The following PRELID2 variants were observed in gnomAD, a reference collection of about 807,000 sequenced individuals.
PRELID2 encodes PRELI domain containing 2, also known as PRELI domain-containing protein 2.
Under a neutral mutation model 28.4 loss-of-function variants are expected in PRELID2, and 25 were observed. The observed-to-expected ratio is 0.88, with a 90% CI of 0.64 to 1.23. The LOEUF (loss-of-function observed/expected upper bound fraction) is 1.23, where lower values mean the gene tolerates loss of function less well. PRELID2 is among the 50% of genes most tolerant of loss of function. The pLI is 0.00. For synonymous variants in PRELID2, 76 were observed against 71.6 expected (o/e 1.06, Z -0.31); for missense variants, 201 against 214.4 (o/e 0.94, Z 0.39).
At chr5:145,551,676 T>C (rs1350724771) in intron 1 of PRELID2, among the ~76,000 whole-genome samples, 2 of 152,202 alleles carry the variant, frequency 1.3e-5, no homozygotes, top group Non-Finnish European at 2.9e-5. Context: ...ACTGTATCAG[T>C]AAGGGTCTTG....
the PRELID2 span, among the ~76,000 whole-genome samples, chr5:145,375,303 A>T: frequency 1.3e-5 from 2 of 152,048 alleles, no homozygotes; most frequent in Non-Finnish European, 2.9e-5. Flanking sequence ...TGCATCTGAA[A>T]ATGTCACTCA....
chr5:145,469,616 C>T (rs1280963482), downstream of PRELID2, among the ~76,000 whole-genome samples: 1 of 152,034 alleles, frequency 6.6e-6, no homozygotes, highest in East Asian at 1.9e-4. Context: ...GGCAGCGACA[C>T]CGAACTGATA....
In PRELID2 at chr5:145,835,323, G is replaced by T; in HGVS notation, c.-72C>A. The T allele has an allele frequency of 1.0e-6, 1 of 973,578 alleles. No individual in the cohort carries two copies. Among genetic ancestry groups the T allele is most frequent in the Non-Finnish European group, 1.5e-6 (1 of 652,056 alleles). The allele number at this position is 973,578 out of a possible 1,614,324, so 60.3% of individuals were successfully genotyped here. A position where few individuals can be genotyped will look rare whatever the true frequency, so the allele number is the denominator to read the frequency against. On this transcript the variant is annotated 5_prime_UTR_variant, in exon 1 of 7. Coordinates refer to ENST00000683046, the MANE Select transcript of PRELID2 (RefSeq NM_205846.3). ...CAGAGCTGCCCAGGGCTCCGCAGAG[G>T]CCCGGAGGCGCCCACACTCGGACAG...
chr5:145,491,494 A>C (rs1227664363), intron 1 of PRELID2, among the ~76,000 whole-genome samples: 1 of 152,212 alleles, frequency 6.6e-6, no homozygotes, highest in African/African-American at 2.4e-5. Flanking sequence ...TTGTGGAATG[A>C]CTAAATCTAG....
At chr5:145,421,456 T>C in the PRELID2 span, among the ~76,000 whole-genome samples, 2 of 150,122 alleles carry the variant, frequency 1.3e-5, no homozygotes, top group Non-Finnish European at 3.0e-5. Context: ...CCTGGTTTAG[T>C]CTTGGGAGAG....
At position 145,823,072 on chromosome 5, in the gene PRELID2, C is replaced by T; in HGVS notation, c.133+5G>A. 6.8e-7 allele frequency: 1 copy of T among 1,481,264 alleles called. No individual in the cohort carries two copies. 91.8% of individuals were successfully genotyped at this position (1,481,264 alleles called of 1,614,324 possible). On this transcript the variant is annotated splice_donor_5th_base_variant and intron_variant, in intron 2 of 6. Transcript: ENST00000683046. ...ATTACTGAAAAAACTGTACAGAGAA[C>T]TTACCTCTTTTTTCCTCCATGATTT...
chr5:145,410,858 A>G, the PRELID2 span, among the ~76,000 whole-genome samples: 2 of 152,164 alleles, frequency 1.3e-5, no homozygotes, highest in Admixed American at 1.3e-4. Flanking sequence ...AACTCATTTC[A>G]GCTTTAACCC....
the PRELID2 span, among the ~76,000 whole-genome samples, chr5:145,384,816 C>A: frequency 6.6e-6 from 1 of 152,122 alleles, no homozygotes; most frequent in African/African-American, 2.4e-5. Flanking sequence ...AAACAGCAGG[C>A]TCTCACGAGA....
chr5:145,646,167 A>G (rs1475770681), intron 1 of PRELID2, among the ~76,000 whole-genome samples: 7 of 152,126 alleles, frequency 4.6e-5, no homozygotes, highest in Non-Finnish European at 1.0e-4. Flanking sequence ...TTTTAGGTAC[A>G]CCATTCAAAC....
intron 5 of PRELID2, among the ~76,000 whole-genome samples, chr5:145,781,939 T>C (rs966562787): frequency 6.6e-6 from 1 of 151,972 alleles, no homozygotes. Context: ...TCATTGTCTT[T>C]GTCTTTGAAT....
chr5:145,698,924 G>A (rs902198135), intron 1 of PRELID2, among the ~76,000 whole-genome samples: 3 of 152,022 alleles, frequency 2.0e-5, no homozygotes, highest in East Asian at 1.9e-4. Context: ...ACGAGGTTTC[G>A]CCATGTTGGC....
chr5:145,399,586 T>G, the PRELID2 span, among the ~76,000 whole-genome samples: 1 of 152,086 alleles, frequency 6.6e-6, no homozygotes, highest in Non-Finnish European at 1.5e-5. Flanking sequence ...TATATAGATA[T>G]AGAATTCTAT....
chr5:145,267,999 T>A, the PRELID2 span, among the ~76,000 whole-genome samples: 430 of 152,308 alleles, frequency 2.8e-3, 6 homozygotes, highest in African/African-American at 9.8e-3. Flanking sequence ...TTAAATCAGA[T>A]AATATTTTTA....
the PRELID2 span, among the ~76,000 whole-genome samples, chr5:145,337,733 TCACA>T: frequency 0.028 from 2,695 of 95,918 alleles, 107 homozygotes; most frequent in African/African-American, 0.095. Flanking sequence ...ATATATATAC[TCACA>T]CACACACACA....
At chr5:145,815,544 A>T (rs1754241485) in intron 4 of PRELID2, among the ~76,000 whole-genome samples, 1 of 152,226 alleles carries the variant, frequency 6.6e-6, no homozygotes, top group Non-Finnish European at 1.5e-5. Context: ...GAAACTCCGT[A>T]CCAACTGGCA....
the PRELID2 span, among the ~76,000 whole-genome samples, chr5:145,446,180 C>T: frequency 2.6e-5 from 4 of 152,026 alleles, no homozygotes; most frequent in South Asian, 8.3e-4. Context: ...AATGGATATG[C>T]TAATTATCCT....
At chr5:145,815,730 A>T (rs1754257277) in intron 4 of PRELID2, among the ~76,000 whole-genome samples, 1 of 152,254 alleles carries the variant, frequency 6.6e-6, no homozygotes, top group South Asian at 2.1e-4. Flanking sequence ...TTTAACCATG[A>T]ATCAGCACTC....
At chr5:145,451,663 G>A in the PRELID2 span, among the ~76,000 whole-genome samples, 1 of 152,050 alleles carries the variant, frequency 6.6e-6, no homozygotes, top group Admixed American at 6.6e-5. Flanking sequence ...AACCTTAGGG[G>A]GACAGATTAA....
At chr5:145,301,389 A>G in the PRELID2 span, among the ~76,000 whole-genome samples, 1 of 152,170 alleles carries the variant, frequency 6.6e-6, no homozygotes, top group Non-Finnish European at 1.5e-5. Flanking sequence ...TTGCAGATTT[A>G]TAATAATCCT....
Sources: gnomAD v4.1 joint callset for allele counts (sites outside exome capture counted in the v4.1 genomes callset) on GRCh38, gnomAD v4.1.1 for gene constraint, MANE v1.5 for transcripts, NCBI Gene and HGNC (gene_info 2026-07-23, HGNC 2026-07-21) for gene names.